Variants in GOLGA8T observed in about 807,000 individuals in gnomAD.
The protein encoded by GOLGA8T is golgin A8 family member T, also known as golgin subfamily A member 8T.
Under a neutral mutation model 52.0 loss-of-function variants are expected in GOLGA8T, and 17 were observed. The ratio of observed to expected loss-of-function variants is 0.33; its 90% CI spans 0.22 to 0.49. The LOEUF is 0.49. GOLGA8T is among the 20% of genes least tolerant of loss of function. The pLI, the probability that GOLGA8T is intolerant of heterozygous loss-of-function variation, is 0.99. For missense variants in GOLGA8T, 154 were observed against 462.1 expected, an observed-to-expected ratio of 0.33 and a Z score of 6.11; for synonymous variants, 67 against 169.5, an observed-to-expected ratio of 0.40 and a Z score of 4.70.
At position 30,141,673 on chromosome 15, in the gene GOLGA8T, A is replaced by G. The variant is rs1258511890; in HGVS notation, c.875-129A>G. The G allele has an allele frequency of 4.3e-5, 32 of 739,296 alleles. 1 individual carries two copies. Among genetic ancestry groups the G allele is most frequent in the Admixed American group, 1.4e-4 (5 of 36,592 alleles). The allele number at this position is 739,296 out of a possible 1,614,324, so 45.8% of individuals were successfully genotyped here. On this transcript the variant is annotated intron_variant, in intron 11 of 18. Coordinates refer to ENST00000569052, the MANE Select transcript of GOLGA8T (RefSeq NM_001355469.2). Reference sequence around the variant, plus strand: ...CTGAAAGTGCTTTGGAAGACTGGCTACCATCTGGGTGCGAGGAATCATTAG... The same window carrying G: ...CTGAAAGTGCTTTGGAAGACTGGCTGCCATCTGGGTGCGAGGAATCATTAG...
At chr15:30,136,347 A>G (rs1393563419) in intron 1 of GOLGA8T, among the ~76,000 whole-genome samples, 3 of 148,072 alleles carry the variant, frequency 2.0e-5, no homozygotes, top group East Asian at 4.0e-4. Flanking sequence ...TAGGGATGAC[A>G]GTCACATAGG....
rs1253179164 is a variant in GOLGA8T, at chr15:30,142,365, C to T, written c.1183C>T (p.Gln395Ter). 18 of 1,543,266 alleles carry T rather than the reference C, an allele frequency of 1.2e-5. No homozygotes were observed. The highest frequency in any genetic ancestry group is 1.6e-5 in the Non-Finnish European group (18 of 1,152,898). Residue 395 changes from glutamine to a stop codon, truncating the protein, a stop_gained, in exon 13 of 19, where the codon CAG (glutamine) becomes TAG (stop). Transcript: ENST00000569052. LOFTEE classifies it high-confidence loss of function. Reference sequence around the variant, plus strand: ...GTTGGAGCAGCAAGTAAAGGAGCTACAGGAGAAGCTTGGCGAGGTGAAGGA... The same window carrying T: ...GTTGGAGCAGCAAGTAAAGGAGCTATAGGAGAAGCTTGGCGAGGTGAAGGA... ...LQLEQQVKEL[Q>*]EKLGEEHLEA...
At position 30,141,508 on chromosome 15, in the gene GOLGA8T, G is replaced by T. The variant is rs2057744292; in HGVS notation, c.874+83G>T. 6 of 1,029,774 alleles carry T rather than the reference G, an allele frequency of 5.8e-6. No individual in the cohort carries two copies. In the Admixed American group the frequency reaches 1.1e-4, roughly 19 times the overall value. 63.8% of individuals were successfully genotyped at this position (1,029,774 alleles called of 1,614,324 possible). A position where few individuals can be genotyped will look rare whatever the true frequency, so the allele number is the denominator to read the frequency against. ...GGCTTAGAGTGCCCCAGGGAGGTGGGTGGATGGAAGGGCTTTGAGGCAGAG... is the reference window on the plus strand; with the variant it reads ...GGCTTAGAGTGCCCCAGGGAGGTGGTTGGATGGAAGGGCTTTGAGGCAGAG... On this transcript the variant is annotated intron_variant, in intron 11 of 18. Coordinates refer to ENST00000569052, the MANE Select transcript of GOLGA8T (RefSeq NM_001355469.2).
chr15:30,148,477 C>T lies in GOLGA8T; in HGVS notation c.*2910C>T, dbSNP rs1012679811. The stretch of plus-strand genomic sequence containing the variant: ...ATAATATAACTATTAAAAAATGTAA[C>T]TGCTATCTTAATGTTCTGAAATAAT... On this transcript the variant is annotated 3_prime_UTR_variant, in exon 19 of 19. Transcript: ENST00000569052. Among the ~76,000 whole-genome samples the T allele has an allele frequency of 7.9e-6, 1 of 126,840 alleles. No homozygotes were observed. The highest frequency in any genetic ancestry group is 3.8e-5 in the African/African-American group (1 of 26,564). 83.2% of individuals were successfully genotyped at this position (126,840 alleles called of 152,430 possible). A position where few individuals can be genotyped will look rare whatever the true frequency, so the allele number is the denominator to read the frequency against.
At chr15:30,143,327 G>A (rs1461264818) in intron 13 of GOLGA8T, among the ~76,000 whole-genome samples, 1 of 112,972 alleles carries the variant, frequency 8.9e-6, no homozygotes, top group Admixed American at 7.6e-5. Context: ...GAGGCTCAGA[G>A]TCTGCAGCAG....
rs528249732 is a variant in GOLGA8T, at chr15:30,143,361, C to T, written c.1201-245C>T. On this transcript the variant is annotated intron_variant, in intron 13 of 18. Coordinates refer to ENST00000569052, the MANE Select transcript of GOLGA8T (RefSeq NM_001355469.2). Reference sequence around the variant, plus strand: ...AGCAGCCAGACCATTACCTGGGTCACCTGCAGCAGTACGTGGCCACCTATC... The same window carrying T: ...AGCAGCCAGACCATTACCTGGGTCATCTGCAGCAGTACGTGGCCACCTATC... 1.1e-3 allele frequency among the ~76,000 whole-genome samples: 129 copies of T among 117,094 alleles called. 14 individuals carry two copies. Among genetic ancestry groups the T allele is most frequent in the Admixed American group, 4.7e-3 (64 of 13,588 alleles). The allele number at this position is 117,094 out of a possible 152,430, so 76.8% of individuals were successfully genotyped here.
chr15:30,142,320 G>A lies in GOLGA8T; in HGVS notation c.1138G>A (p.Glu380Lys), dbSNP rs1331470932. Residue 380 changes from glutamate (E) to lysine (K), a missense_variant, in exon 13 of 19, where the codon GAG (glutamate) becomes AAG (lysine). Coordinates refer to ENST00000569052, the MANE Select transcript of GOLGA8T (RefSeq NM_001355469.2). ...ATTGCTTCTCTCTGTCCAGAACAAT[G>A]AGAACAAGAACGCACTGCAGTTGGA... ...PQSVFEEPNN[E>K]NKNALQLEQQ... 6.5e-7 allele frequency: 1 copy of A among 1,532,754 alleles called. No homozygotes were observed. The highest frequency in any genetic ancestry group is 1.9e-5 in the Admixed American group (1 of 53,846). The allele number at this position is 1,532,754 out of a possible 1,614,324, so 94.9% of individuals were successfully genotyped here. A position where few individuals can be genotyped will look rare whatever the true frequency, so the allele number is the denominator to read the frequency against.
chr15:30,140,206 C>T, intron 8 of GOLGA8T: 1 of 463,612 alleles, frequency 2.2e-6, no homozygotes, highest in East Asian at 4.8e-5. Context: ...ATACATAAAA[C>T]ATGTCTGCAA....
intron 13 of GOLGA8T, 64 bp downstream of exon 13, chr15:30,142,446 G>A (rs2057757517): frequency 1.3e-6 from 2 of 1,581,510 alleles, no homozygotes; most frequent in Non-Finnish European, 8.5e-7. Context: ...CAGACTCTGG[G>A]GAGGGGAGGT....
In GOLGA8T at chr15:30,142,325, C is replaced by T. The variant is rs563458388; in HGVS notation, c.1143C>T (p.Asn381=). The T allele has an allele frequency of 3.9e-6, 6 of 1,537,002 alleles. No homozygotes were observed. Among genetic ancestry groups the T allele is most frequent in the Middle Eastern group, 2.3e-4 (1 of 4,328 alleles). ...QSVFEEPNNE[N]KNALQLEQQV... The stretch of plus-strand genomic sequence containing the variant: ...TTCTCTCTGTCCAGAACAATGAGAA[C>T]AAGAACGCACTGCAGTTGGAGCAGC... The change falls in exon 13 of 19, where the codon AAC becomes AAT. Residue 381 remains asparagine (N), a synonymous_variant. Coordinates refer to ENST00000569052, the MANE Select transcript of GOLGA8T (RefSeq NM_001355469.2).
In GOLGA8T at chr15:30,141,110, T is replaced by G; in HGVS notation, c.754T>G (p.Trp252Gly). Residue 252 changes from tryptophan to glycine, a missense_variant, in exon 10 of 19, where the codon TGG becomes GGG. This residue lies in a region of GOLGA8T where 56 missense variants were observed against 134.2 expected (regional missense o/e 0.42). Coordinates refer to ENST00000569052, the MANE Select transcript of GOLGA8T (RefSeq NM_001355469.2). ...SEHLKGERAR[W>G]QQRMRKMSQE... ...ACATCTAAAAGGAGAGAGGGCCCGG[T>G]GGCAGCAGAGGATGAGAAAAATGTC... is the stretch of plus-strand genomic sequence containing the variant. The G allele has an allele frequency of 9.4e-7, 1 of 1,060,732 alleles. No individual in the cohort carries two copies. Among genetic ancestry groups the G allele is most frequent in the Middle Eastern group, 3.0e-4 (1 of 3,294 alleles). 65.7% of individuals were successfully genotyped at this position (1,060,732 alleles called of 1,614,324 possible).
rs1233963613 is a variant in GOLGA8T, at chr15:30,140,819, A to ACTT, written c.592-20_592-18dup. 105 of 1,511,924 alleles carry ACTT rather than the reference A, an allele frequency of 6.9e-5. 3 individuals are homozygous for ACTT. The highest frequency in any genetic ancestry group is 8.6e-5 in the Non-Finnish European group (96 of 1,112,714). 93.7% of individuals were successfully genotyped at this position (1,511,924 alleles called of 1,614,324 possible). A position where few individuals can be genotyped will look rare whatever the true frequency, so the allele number is the denominator to read the frequency against. On this transcript the variant is annotated intron_variant, in intron 8 of 18. Coordinates refer to ENST00000569052, the MANE Select transcript of GOLGA8T (RefSeq NM_001355469.2). The stretch of plus-strand genomic sequence containing the variant: ...AAATGCCCAGGCTCTCCAGATTGAA[A>ACTT]CTTCTCACTCTTCACCATCCAGTTG...
chr15:30,142,096 A>G, intron 12 of GOLGA8T, 38 bp downstream of exon 12: 1 of 461,576 alleles, frequency 2.2e-6, no homozygotes, highest in Non-Finnish European at 3.6e-6. Flanking sequence ...CCTCCTCCCT[A>G]GCCCTCCGGG....
intron 11 of GOLGA8T, 95 bp downstream of exon 11, chr15:30,141,520 GC>G (rs2140647524): frequency 1.2e-6 from 1 of 843,054 alleles, no homozygotes; most frequent in East Asian, 2.6e-5. Flanking sequence ...GGATGGAAGG[GC>G]TTTGAGGCAG....
rs895903584 is a variant in GOLGA8T, at chr15:30,142,496, C to T, written c.1200+114C>T. ...AGCTTCCAGCCTGGGGGCTGGTGAC[C>T]ACAGCACCCCCCAGGGCAGTCCTGT... On this transcript the variant is annotated intron_variant, in intron 13 of 18. Coordinates refer to ENST00000569052, the MANE Select transcript of GOLGA8T (RefSeq NM_001355469.2). The T allele has an allele frequency of 1.6e-4, 244 of 1,520,244 alleles. 8 individuals carry two copies. The highest frequency in any genetic ancestry group is 1.2e-4 in the Non-Finnish European group (142 of 1,138,610). 94.2% of individuals were successfully genotyped at this position (1,520,244 alleles called of 1,614,324 possible).
chr15:30,144,958 G>A lies in GOLGA8T; in HGVS notation c.1467-1G>A. On this transcript the variant is annotated splice_acceptor_variant, in intron 16 of 18. Coordinates refer to ENST00000569052, the MANE Select transcript of GOLGA8T (RefSeq NM_001355469.2). LOFTEE classifies it high-confidence loss of function. The stretch of plus-strand genomic sequence containing the variant: ...AGCGTCTGAGCCCTGTCCTCCCGCA[G>A]GAAAACCCATCACCTTTTATCAGAA... The A allele has an allele frequency of 7.2e-7, 1 of 1,396,062 alleles. No individual in the cohort carries two copies. 86.5% of individuals were successfully genotyped at this position (1,396,062 alleles called of 1,614,324 possible).
chr15:30,137,195 G>A (rs569385912), intron 2 of GOLGA8T, among the ~76,000 whole-genome samples: 1 of 147,046 alleles, frequency 6.8e-6, no homozygotes, highest in East Asian at 2.0e-4. Context: ...GGTTAACACG[G>A]TGAAACCCTG....
At position 30,141,983 on chromosome 15, in the gene GOLGA8T, G is replaced by A; in HGVS notation, c.1056G>A (p.Lys352=). Residue 352 remains lysine, a synonymous_variant, in exon 12 of 19, where the codon AAG becomes AAA. Transcript: ENST00000569052. ...AGGAGCAGGAAGAGAGGCTTCGGAA[G>A]CAGGAGGAGAGGATTCAGGAGCAGC... ...RIQEQEERLR[K]QEERIQEQHK... is the part of the protein sequence containing the mutation. 2.3e-6 allele frequency: 1 copy of A among 426,326 alleles called. No individual in the cohort carries two copies. 26.4% of individuals were successfully genotyped at this position (426,326 alleles called of 1,614,324 possible). A position where few individuals can be genotyped will look rare whatever the true frequency, so the allele number is the denominator to read the frequency against.
chr15:30,148,463 A>G lies in GOLGA8T; in HGVS notation c.*2896A>G, dbSNP rs1464679483. 7.8e-6 allele frequency among the ~76,000 whole-genome samples: 1 copy of G among 128,796 alleles called. No individual in the cohort carries two copies. Among genetic ancestry groups the G allele is most frequent in the East Asian group, 2.0e-4 (1 of 4,990 alleles). 84.5% of individuals were successfully genotyped at this position (128,796 alleles called of 152,430 possible). On this transcript the variant is annotated 3_prime_UTR_variant, in exon 19 of 19. Transcript: ENST00000569052. ...TTAGTCATTTTAAAATAATATAACT[A>G]TTAAAAAATGTAACTGCTATCTTAA... is the stretch of plus-strand genomic sequence containing the variant.
Sources: allele counts gnomAD v4.1 joint callset (sites outside exome capture counted in the v4.1 genomes callset), GRCh38; gene constraint gnomAD v4.1.1; regional missense constraint gnomAD v4.1.1; transcripts MANE v1.5; gene names NCBI Gene and HGNC (gene_info 2026-07-23, HGNC 2026-07-21).